ZNF616: variants seen among roughly 807,000 people sequenced by gnomAD.
ZNF616 encodes zinc finger protein 616.
A neutral mutation model predicts 7.6 loss-of-function variants in ZNF616; 5 were observed. The ratio of observed to expected loss-of-function variants is 0.66; its 90% confidence interval spans 0.34 to 1.38. The LOEUF is 1.38. ZNF616 is among the 40% of genes most tolerant of loss of function. The probability of loss-of-function intolerance (pLI) is 0.04; values close to 1 mark genes in which losing one functional copy is unlikely to be tolerated. For synonymous variants in ZNF616, 319 were observed against 317.2 expected (o/e 1.01, Z -0.06); for missense variants, 913 against 948.3 (o/e 0.96, Z 0.49).
rs1232252662 is a variant in ZNF616, at chr19:52,114,609, A to C, written c.*209T>G. The C allele has an allele frequency of 5.5e-6, 3 of 542,046 alleles. No homozygotes were observed. Among genetic ancestry groups the C allele is most frequent in the Non-Finnish European group, 9.4e-6 (3 of 318,264 alleles). 33.6% of individuals were successfully genotyped at this position (542,046 alleles called of 1,614,324 possible). On this transcript the variant is annotated 3_prime_UTR_variant, in exon 4 of 4. Transcript: ENST00000600228. ...TTCTAAACAGCCAGACCTCAAGAGA[A>C]GTCACTATTGCCAGGACAGCACCAA... is the stretch of plus-strand genomic sequence containing the variant.
chr19:52,130,632 A>G (rs2088950175), intron 1 of ZNF616, 44 bp from the exon 2 acceptor site: 7 of 1,442,750 alleles, frequency 4.9e-6, no homozygotes, highest in Non-Finnish European at 5.6e-6. Flanking sequence ...GAAACAACAC[A>G]TTCCTTTCTG....
chr19:52,124,344 C>T (rs1271375882), intron 2 of ZNF616, among the ~76,000 whole-genome samples: 1 of 152,200 alleles, frequency 6.6e-6, no homozygotes, highest in Non-Finnish European at 1.5e-5. Flanking sequence ...CATACATCAA[C>T]TGTGTCTAGG....
At position 52,130,605 on chromosome 19, in the gene ZNF616, C is replaced by G; in HGVS notation, c.-76-17G>C. On this transcript the variant is annotated splice_polypyrimidine_tract_variant and intron_variant, in intron 1 of 3. Transcript: ENST00000600228. ...ACATCAAACCTGAAAGTTAAAAAAT[C>G]TGTTGTTTAATGCTTGGAAACAACA... 3 of 1,537,210 alleles carry G rather than the reference C, an allele frequency of 2.0e-6. No homozygotes were observed. Among genetic ancestry groups the G allele is most frequent in the Non-Finnish European group, 2.6e-6 (3 of 1,142,394 alleles).
Position 52,124,049 on chromosome 19 carries a change from C to T in ZNF616, c.13G>A (p.Gly5Arg), listed in dbSNP as rs769087289. ...GCTACATCCTTGAATGTCAAATGCC[C>T]CTGAAATGAAAAACACATTTCAAAA... MATQ[G>R]HLTFKDVAIE... Residue 5 changes from glycine (G) to arginine (R), a missense_variant and splice_region_variant, in exon 3 of 4, where the codon GGG becomes AGG. Transcript: ENST00000600228. 1.9e-6 allele frequency: 3 copies of T among 1,592,960 alleles called. No homozygotes were observed. The highest frequency in any genetic ancestry group is 2.6e-6 in the Non-Finnish European group (3 of 1,174,778).
At chr19:52,120,655 C>T (rs1294005919) in intron 3 of ZNF616, among the ~76,000 whole-genome samples, 3 of 152,252 alleles carry the variant, frequency 2.0e-5, no homozygotes, top group East Asian at 1.9e-4. Context: ...AGAAAGACAT[C>T]GGAGGTGGCT....
At position 52,114,841 on chromosome 19, in the gene ZNF616, T is replaced by G; in HGVS notation, c.2323A>C (p.Lys775Gln). Residue 775 changes from lysine to glutamine, a missense_variant, in exon 4 of 4, where the codon AAA becomes CAA. Transcript: ENST00000600228. Reference protein sequence around the residue: ...IRHTGESLTTKLNVTRP With the variant: ...IRHTGESLTTQLNVTRP ...GTCTAAGGCCTTGTCACATTGAGTT[T>G]AGTTGTAAGGCTCTCTCCAGTATGT... 1 of 1,586,858 alleles carries G rather than the reference T, an allele frequency of 6.3e-7. No individual in the cohort carries two copies. Among genetic ancestry groups the G allele is most frequent in the Non-Finnish European group, 8.6e-7 (1 of 1,168,326 alleles).
In ZNF616 at chr19:52,116,355, A is replaced by G; in HGVS notation, c.809T>C (p.Ile270Thr). 6.2e-7 allele frequency: 1 copy of G among 1,614,084 alleles called. No individual in the cohort carries two copies. Among genetic ancestry groups the G allele is most frequent in the Non-Finnish European group, 8.5e-7 (1 of 1,180,000 alleles). Reference protein sequence around the residue: ...QRSHTGQKPYICNECGKSFSK... With the variant: ...QRSHTGQKPYTCNECGKSFSK... The stretch of plus-strand genomic sequence containing the variant: ...AAAGGACTTGCCACATTCATTACAT[A>G]TGTAGGGTTTCTGTCCAGTGTGACT... Residue 270 changes from isoleucine to threonine, a missense_variant, in exon 4 of 4, where the codon ATA (isoleucine) becomes ACA (threonine). Physicochemically the swap from Ile to Thr is moderately conservative, Grantham distance 89. Transcript: ENST00000600228.
chr19:52,124,875 G>C (rs2088892811), intron 2 of ZNF616, among the ~76,000 whole-genome samples: 1 of 152,088 alleles, frequency 6.6e-6, no homozygotes, highest in Non-Finnish European at 1.5e-5. Flanking sequence ...GCATTTTCTG[G>C]AGGGGAGGAA....
At position 52,116,852 on chromosome 19, in the gene ZNF616, A is replaced by G. The variant is rs767754833; in HGVS notation, c.312T>C (p.Gly104=). 6.2e-7 allele frequency: 1 copy of G among 1,613,650 alleles called. No homozygotes were observed. The highest frequency in any genetic ancestry group is 8.5e-7 in the Non-Finnish European group (1 of 1,179,896). ...CTGGCACTTCTTTATCATTTGTTTC[A>G]CCATCTTTCCATTGAAATTCAAGGT... ...LHDLEFQWKD[G]ETNDKEVPVP... The change falls in exon 4 of 4, where the codon GGT becomes GGC. Residue 104 remains glycine, a synonymous_variant. Transcript: ENST00000600228.
chr19:52,117,685 C>G (rs1217603057), intron 3 of ZNF616, among the ~76,000 whole-genome samples: 1 of 152,058 alleles, frequency 6.6e-6, no homozygotes, highest in Admixed American at 6.6e-5. Flanking sequence ...AACATATATT[C>G]TAGAGACAGC....
intron 2 of ZNF616, among the ~76,000 whole-genome samples, chr19:52,125,240 C>T (rs915349614): frequency 1.3e-5 from 2 of 152,182 alleles, no homozygotes; most frequent in African/African-American, 2.4e-5. Flanking sequence ...ACAGCTGCAT[C>T]TAACTATAAT....
chr19:52,115,813 G>A lies in ZNF616; in HGVS notation c.1351C>T (p.His451Tyr), dbSNP rs1259882736. 1.2e-6 allele frequency: 2 copies of A among 1,608,398 alleles called. No individual in the cohort carries two copies. The highest frequency in any genetic ancestry group is 2.2e-5 in the East Asian group (1 of 44,464). ...TGAATTCTCCAATGCACTGCAAGAT[G>A]TGAATGCTTACTGTACACCTTGCCA... is the stretch of plus-strand genomic sequence containing the variant. Reference protein sequence around the residue: ...KCGKVYSKHSHLAVHWRIHTG... With the variant: ...KCGKVYSKHSYLAVHWRIHTG... Residue 451 changes from histidine (H) to tyrosine (Y), a missense_variant, in exon 4 of 4, where the codon CAT becomes TAT. Physicochemically the swap from His to Tyr is moderately conservative, Grantham distance 83 (BLOSUM62 2). Transcript: ENST00000600228.
intron 1 of ZNF616, among the ~76,000 whole-genome samples, chr19:52,136,405 C>T (rs1219900228): frequency 6.6e-6 from 1 of 151,840 alleles, no homozygotes; most frequent in African/African-American, 2.4e-5. Context: ...GCTGAGATCA[C>T]GCCATTGCAC....
rs1035894543 is a variant in ZNF616 at position 52,117,323 on chromosome 19, G to A, written c.140-299C>T. ...CTAAAACAAGTATTTTGCAACCAAT[G>A]ACACCAAATTACGAACCGATTGGCA... On this transcript the variant is annotated intron_variant, in intron 3 of 3. Coordinates refer to ENST00000600228, the MANE Select transcript of ZNF616 (RefSeq NM_178523.5). Among the ~76,000 whole-genome samples, 23 of 152,090 alleles carry A rather than the reference G, an allele frequency of 1.5e-4. 1 individual carries two copies. The highest frequency in any genetic ancestry group is 1.2e-3 in the Admixed American group (18 of 15,272).
At chr19:52,125,477 C>T (rs1225435011) in intron 2 of ZNF616, among the ~76,000 whole-genome samples, 1 of 152,226 alleles carries the variant, frequency 6.6e-6, no homozygotes, top group Non-Finnish European at 1.5e-5. Context: ...AATCTTAAGG[C>T]TTGACAATAA....
At chr19:52,122,189 T>C (rs527810421) in intron 3 of ZNF616, 17 of 152,030 alleles carry the variant, frequency 1.1e-4, no homozygotes, top group African/African-American at 4.1e-4. Context: ...GTGTCTGATA[T>C]AACAAGTATG....
rs2088813849 is a variant in ZNF616, at chr19:52,115,690, G to GAAACC, written c.1473_1474insGGTTT (p.Pro492GlyfsTer104). 1.9e-6 allele frequency: 3 copies of GAAACC among 1,613,720 alleles called. No individual in the cohort carries two copies. Among genetic ancestry groups the GAAACC allele is most frequent in the Non-Finnish European group, 2.5e-6 (3 of 1,179,940 alleles). On this transcript the variant is annotated frameshift_variant, in exon 4 of 4. Transcript: ENST00000600228. LOFTEE classifies it low-confidence loss of function (END_TRUNC). ...TTGCCACATTCATTGCATTTGTAAG[G>GAAACC]TTTCTCTCCAGTATGAATTCTCTGA...
intron 3 of ZNF616, among the ~76,000 whole-genome samples, chr19:52,119,585 A>G (rs1050937646): frequency 2.6e-5 from 4 of 152,130 alleles, no homozygotes; most frequent in Non-Finnish European, 5.9e-5. Flanking sequence ...GGAAAGGGCA[A>G]GGAGTAATGT....
Position 52,115,458 on chromosome 19 carries a change from C to A in ZNF616, c.1706G>T (p.Arg569Ile), listed in dbSNP as rs936238277. Reference protein sequence around the residue: ...SQCSRLTVHRRIHSGEKPYKC... With the variant: ...SQCSRLTVHRIIHSGEKPYKC... ...GTAAGGTTTCTCTCCACTATGAATT[C>A]TCCGATGCACTGTAAGACGTGAACA... Residue 569 changes from arginine to isoleucine, a missense_variant, in exon 4 of 4, where the codon AGA (arginine) becomes ATA (isoleucine). Arg to Ile is a moderately conservative substitution (Grantham distance 97). Coordinates refer to ENST00000600228, the MANE Select transcript of ZNF616 (RefSeq NM_178523.5). The A allele has an allele frequency of 6.2e-7, 1 of 1,614,094 alleles. No individual in the cohort carries two copies. The highest frequency in any genetic ancestry group is 2.2e-5 in the East Asian group (1 of 44,896).
Sources: allele counts gnomAD v4.1 joint callset (sites outside exome capture counted in the v4.1 genomes callset), GRCh38; gene constraint gnomAD v4.1.1; transcripts MANE v1.5; gene names NCBI Gene and HGNC (gene_info 2026-07-23, HGNC 2026-07-21).